Variants in OR4S2 observed in about 807,000 individuals in gnomAD.
OR4S2 encodes olfactory receptor 4S2.
Under a neutral mutation model 15.1 loss-of-function variants are expected in OR4S2, and 16 were observed. That is an observed-to-expected ratio of 1.06 (90% CI 0.72 to 1.61). The LOEUF (loss-of-function observed/expected upper bound fraction) is 1.61. OR4S2 is among the 40% of genes most tolerant of loss of function. OR4S2 has a pLI of 0.00. For missense variants in OR4S2, 362 were observed against 379.6 expected (o/e 0.95, Z 0.38); for synonymous variants, 133 against 136.3 (o/e 0.98, Z 0.17).
Position 55,651,221 on chromosome 11 carries a change from T to A in OR4S2, c.318T>A (p.Gly106=). The A allele has an allele frequency of 6.8e-7, 1 of 1,479,476 alleles. No individual in the cohort carries two copies. Among genetic ancestry groups the A allele is most frequent in the Admixed American group, 2.0e-5 (1 of 50,192 alleles). The allele number at this position is 1,479,476 out of a possible 1,614,324, so 91.6% of individuals were successfully genotyped here. The change falls in exon 2 of 2, where the codon GGT becomes GGA. Residue 106 remains glycine (G), a synonymous_variant. Transcript: ENST00000641692. ...AACTGTTTGGAGTACATTTCTTTGG[T>A]TGCACTGAGATCTTCATCCTTACTG... ...MLQLFGVHFF[G]CTEIFILTVM...
chr11:55,650,330 A>T (rs1304294505), intron 1 of OR4S2, among the ~76,000 whole-genome samples: 1 of 138,964 alleles, frequency 7.2e-6, no homozygotes, highest in East Asian at 2.4e-4. Context: ...GTTTCATGAG[A>T]AGAACTTGCA....
Position 55,651,176 on chromosome 11 carries a change from C to T in OR4S2, c.273C>T (p.Ser91=). 2 of 1,486,282 alleles carry T rather than the reference C, an allele frequency of 1.3e-6. 1 individual carries two copies. Among genetic ancestry groups the T allele is most frequent in the Non-Finnish European group, 1.8e-6 (2 of 1,091,352 alleles). 92.1% of individuals were successfully genotyped at this position (1,486,282 alleles called of 1,614,324 possible). ...VDLLAKDKTI[S]YVGCMLQLFG... ...TGTTAGCAAAGGACAAAACCATCTC[C>T]TATGTGGGGTGCATGTTGCAACTGT... The change falls in exon 2 of 2, where the codon TCC becomes TCT. Residue 91 remains serine (S), a synonymous_variant. Coordinates refer to ENST00000641692, the MANE Select transcript of OR4S2 (RefSeq NM_001004059.3).
At chr11:55,650,776 A>C in intron 1 of OR4S2, 92 bp from the exon 2 acceptor site, 1 of 540,214 alleles carries the variant, frequency 1.9e-6, no homozygotes, top group Non-Finnish European at 3.2e-6. Context: ...GCCAATCAGC[A>C]TTTTTTCCTC....
At chr11:55,650,622 G>A (rs1858550528) in intron 1 of OR4S2, among the ~76,000 whole-genome samples, 1 of 138,460 alleles carries the variant, frequency 7.2e-6, no homozygotes, top group Non-Finnish European at 1.6e-5. Context: ...AGAGAAGAGA[G>A]GCATGTGGTA....
Position 55,651,705 on chromosome 11 carries a change from A to T in OR4S2, c.802A>T (p.Met268Leu), listed in dbSNP as rs775860954. 1.4e-6 allele frequency: 2 copies of T among 1,481,116 alleles called. No individual in the cohort carries two copies. Among genetic ancestry groups the T allele is most frequent in the East Asian group, 2.6e-5 (1 of 38,692 alleles). The allele number at this position is 1,481,116 out of a possible 1,614,324, so 91.7% of individuals were successfully genotyped here. Residue 268 changes from methionine (M) to leucine (L), a missense_variant, in exon 2 of 2, where the codon ATG (methionine) becomes TTG (leucine). Physicochemically the swap from Met to Leu is conservative, Grantham distance 15. Transcript: ENST00000641692. Reference protein sequence around the residue: ...RPDTTFSEDKMVAVFYTIITP... With the variant: ...RPDTTFSEDKLVAVFYTIITP... ...TGATACGACCTTTTCAGAGGATAAG[A>T]TGGTGGCTGTATTTTACACCATTAT...
chr11:55,649,698 A>C (rs1858540022), intron 1 of OR4S2, among the ~76,000 whole-genome samples: 1 of 138,958 alleles, frequency 7.2e-6, no homozygotes, highest in Admixed American at 7.8e-5. Context: ...AACCCATTAA[A>C]ATTGTCATTC....
At position 55,652,047 on chromosome 11, in the gene OR4S2, C is replaced by A; in HGVS notation, c.*208C>A. The A allele has an allele frequency of 3.3e-6, 1 of 303,504 alleles. No individual in the cohort carries two copies. The highest frequency in any genetic ancestry group is 5.9e-6 in the Non-Finnish European group (1 of 168,482). The allele number at this position is 303,504 out of a possible 1,614,324, so 18.8% of individuals were successfully genotyped here. On this transcript the variant is annotated 3_prime_UTR_variant, in exon 2 of 2. Transcript: ENST00000641692. ...ATAACTTCCTGAAATATCTATGACA[C>A]AGAAATATTATTAAACTTAGAATCA...
Position 55,651,608 on chromosome 11 carries a change from C to T in OR4S2, c.705C>T (p.Leu235=). 1 of 1,489,586 alleles carries T rather than the reference C, an allele frequency of 6.7e-7. No homozygotes were observed. The highest frequency in any genetic ancestry group is 1.2e-5 in the South Asian group (1 of 84,778). The allele number at this position is 1,489,586 out of a possible 1,614,324, so 92.3% of individuals were successfully genotyped here. A position where few individuals can be genotyped will look rare whatever the true frequency, so the allele number is the denominator to read the frequency against. ...KQSAEGRRKA[L]STCGSHIAMV... is the part of the protein sequence containing the mutation. ...CAGCAGAAGGCAGGCGCAAAGCCCT[C>T]TCCACCTGTGGCTCCCACATTGCCA... is the stretch of plus-strand genomic sequence containing the variant. The change falls in exon 2 of 2, where the codon CTC becomes CTT. Residue 235 remains leucine (L), a synonymous_variant. Coordinates refer to ENST00000641692, the MANE Select transcript of OR4S2 (RefSeq NM_001004059.3).
At chr11:55,650,144 G>C in intron 1 of OR4S2, among the ~76,000 whole-genome samples, 1 of 139,194 alleles carries the variant, frequency 7.2e-6, no homozygotes, top group Non-Finnish European at 1.6e-5. Context: ...TTTCACAAAT[G>C]GGATAAGAGA....
Position 55,651,016 on chromosome 11 carries a change from T to C in OR4S2, c.113T>C (p.Leu38Pro), listed in dbSNP as rs758746563. 28 of 1,462,388 alleles carry C rather than the reference T, an allele frequency of 1.9e-5. 7 individuals are homozygous for C. The highest frequency in any genetic ancestry group is 2.8e-5 in the African/African-American group (2 of 72,334). The allele number at this position is 1,462,388 out of a possible 1,614,324, so 90.6% of individuals were successfully genotyped here. A position where few individuals can be genotyped will look rare whatever the true frequency, so the allele number is the denominator to read the frequency against. The change falls in exon 2 of 2, where the codon CTG becomes CCG. Residue 38 changes from leucine (L) to proline (P), a missense_variant. Coordinates refer to ENST00000641692, the MANE Select transcript of OR4S2 (RefSeq NM_001004059.3). ...VFSFFYIIIL[L>P]GNLLIMLTVC... ...TCTTTCTTCTACATAATCATTCTTC[T>C]GGGAAATCTCCTCATCATGCTGACA...
In OR4S2 at chr11:55,650,820, G is replaced by A. The variant is rs532463289; in HGVS notation, c.-36-48G>A. 98 of 683,408 alleles carry A rather than the reference G, an allele frequency of 1.4e-4. 20 individuals are homozygous for A. Among genetic ancestry groups the A allele is most frequent in the South Asian group, 3.3e-4 (16 of 48,534 alleles). The allele number at this position is 683,408 out of a possible 1,614,324, so 42.3% of individuals were successfully genotyped here. On this transcript the variant is annotated intron_variant, in intron 1 of 1. Transcript: ENST00000641692. ...TACTGTGATTTTCCGTTGGTTCTGC[G>A]TTAGAAATAAAATAAATACAGTCCT...
chr11:55,649,569 G>C (rs1217807320), intron 1 of OR4S2, among the ~76,000 whole-genome samples: 1 of 138,258 alleles, frequency 7.2e-6, no homozygotes, highest in Non-Finnish European at 1.6e-5. Context: ...AATCCTAAAA[G>C]CTCCTTTAAT....
rs61896978 is a variant in OR4S2, at chr11:55,652,322, A to G, written c.*483A>G. Reference sequence around the variant, plus strand: ...TCATATATTTCCTTCTAAATAAACAATCCTCTACCCTGCTGCCTAGGCTAT... The same window carrying G: ...TCATATATTTCCTTCTAAATAAACAGTCCTCTACCCTGCTGCCTAGGCTAT... On this transcript the variant is annotated 3_prime_UTR_variant, in exon 2 of 2. Coordinates refer to ENST00000641692, the MANE Select transcript of OR4S2 (RefSeq NM_001004059.3). 7,516 of 139,394 alleles carry G rather than the reference A, an allele frequency of 0.054. 1,632 individuals carry two copies. The highest frequency in any genetic ancestry group is 0.083 in the Non-Finnish European group (5,209 of 63,020). The allele number at this position is 139,394 out of a possible 1,614,324, so 8.6% of individuals were successfully genotyped here.
Position 55,650,012 on chromosome 11 carries a change from C to T in OR4S2, c.-36-856C>T, listed in dbSNP as rs1858543778. Among the ~76,000 whole-genome samples the T allele has an allele frequency of 1.4e-5, 2 of 138,816 alleles. 1 individual carries two copies. The highest frequency in any genetic ancestry group is 3.2e-5 in the Non-Finnish European group (2 of 62,320). The allele number at this position is 138,816 out of a possible 152,430, so 91.1% of individuals were successfully genotyped here. On this transcript the variant is annotated intron_variant, in intron 1 of 1. Coordinates refer to ENST00000641692, the MANE Select transcript of OR4S2 (RefSeq NM_001004059.3). ...TTGTCTCTAGAAGTTTCTTTTATTG[C>T]TTTACCTTATTTCTGCCTTCCTATC...
At position 55,651,756 on chromosome 11, in the gene OR4S2, T is replaced by C. The variant is rs1388781525; in HGVS notation, c.853T>C (p.Tyr285His). Residue 285 changes from tyrosine to histidine, a missense_variant, in exon 2 of 2, where the codon TAT becomes CAT. Tyr to His is a moderately conservative substitution (Grantham distance 83). Coordinates refer to ENST00000641692, the MANE Select transcript of OR4S2 (RefSeq NM_001004059.3). ...IITPMLNPLI[Y>H]TLRNAEVKNA... ...CACTCCCATGTTAAATCCTCTGATT[T>C]ATACACTGAGAAATGCAGAAGTAAA... 2 of 1,462,286 alleles carry C rather than the reference T, an allele frequency of 1.4e-6. No individual in the cohort carries two copies. Among genetic ancestry groups the C allele is most frequent in the African/African-American group, 2.8e-5 (2 of 72,600 alleles). The allele number at this position is 1,462,286 out of a possible 1,614,324, so 90.6% of individuals were successfully genotyped here.
chr11:55,649,556 A>C lies in OR4S2; in HGVS notation c.-37+1006A>C, dbSNP rs1858538432. ...ATTTACACCTGCGGTTGATTAGCGA[A>C]AGAATCCTAAAAGCTCCTTTAATCA... On this transcript the variant is annotated intron_variant, in intron 1 of 1. Coordinates refer to ENST00000641692, the MANE Select transcript of OR4S2 (RefSeq NM_001004059.3). 2.9e-5 allele frequency among the ~76,000 whole-genome samples: 4 copies of C among 138,386 alleles called. 1 individual carries two copies. The South Asian group carries it at 9.4e-4, about 33-fold the overall frequency. 90.8% of individuals were successfully genotyped at this position (138,386 alleles called of 152,430 possible).
At position 55,650,898 on chromosome 11, in the gene OR4S2, C is replaced by T; in HGVS notation, c.-6C>T. On this transcript the variant is annotated 5_prime_UTR_variant, in exon 2 of 2. Transcript: ENST00000641692. ...TTAATTGTCTCCTAAGAACTTGACCCATTCCATGGAAAAAATAAACAACGT... is the reference window on the plus strand; with the variant it reads ...TTAATTGTCTCCTAAGAACTTGACCTATTCCATGGAAAAAATAAACAACGT... 8.0e-7 allele frequency: 1 copy of T among 1,248,444 alleles called. No individual in the cohort carries two copies. Among genetic ancestry groups the T allele is most frequent in the South Asian group, 1.3e-5 (1 of 75,902 alleles). 77.3% of individuals were successfully genotyped at this position (1,248,444 alleles called of 1,614,324 possible). A position where few individuals can be genotyped will look rare whatever the true frequency, so the allele number is the denominator to read the frequency against.
chr11:55,651,530 T>C lies in OR4S2; in HGVS notation c.627T>C (p.Phe209=), dbSNP rs1858568551. The C allele has an allele frequency of 2.7e-6, 4 of 1,491,844 alleles. No homozygotes were observed. Among genetic ancestry groups the C allele is most frequent in the Non-Finnish European group, 3.6e-6 (4 of 1,096,430 alleles). The allele number at this position is 1,491,844 out of a possible 1,614,324, so 92.4% of individuals were successfully genotyped here. ...GTGGTACCATTGCTCTGGGGAGTTT[T>C]GTTATCTTGCTAATCTCCTACAGCA... ...ANSGTIALGS[F]VILLISYSII... The change falls in exon 2 of 2, where the codon TTT becomes TTC. Residue 209 remains phenylalanine (F), a synonymous_variant. Coordinates refer to ENST00000641692, the MANE Select transcript of OR4S2 (RefSeq NM_001004059.3).
At position 55,650,867 on chromosome 11, in the gene OR4S2, G is replaced by T; in HGVS notation, c.-36-1G>T. 1 of 930,702 alleles carries T rather than the reference G, an allele frequency of 1.1e-6. No homozygotes were observed. 57.7% of individuals were successfully genotyped at this position (930,702 alleles called of 1,614,324 possible). On this transcript the variant is annotated splice_acceptor_variant, in intron 1 of 1. Coordinates refer to ENST00000641692, the MANE Select transcript of OR4S2 (RefSeq NM_001004059.3). LOFTEE classifies it low-confidence loss of function (5UTR_SPLICE). ...TCCTTTTTATGTTTTCTTTTTTTCA[G>T]GTAATTTAATTGTCTCCTAAGAACT...
Sources: allele counts gnomAD v4.1 joint callset (sites outside exome capture counted in the v4.1 genomes callset), GRCh38; gene constraint gnomAD v4.1.1; transcripts MANE v1.5; gene names NCBI Gene and HGNC (gene_info 2026-07-23, HGNC 2026-07-21).